HMOX2: variants seen among roughly 807,000 people sequenced by gnomAD.
The protein encoded by HMOX2 is heme oxygenase (decycling) 2.
In HMOX2, 30 loss-of-function variants were observed where a neutral mutation model predicts 33.7. The ratio of observed to expected loss-of-function variants is 0.89; its 90% CI spans 0.67 to 1.21. The LOEUF (loss-of-function observed/expected upper bound fraction) is 1.21. Ranked by LOEUF, HMOX2 falls within the 50% of genes most tolerant of loss-of-function variation. The pLI is 0.00. For missense variants in HMOX2, 403 were observed against 399.1 expected (o/e 1.01, Z -0.08); for synonymous variants, 155 against 155.0 (o/e 1.00, Z 0.00).
chr16:4,509,014 C>T (rs1200699431), intron 4 of HMOX2, among the ~76,000 whole-genome samples: 4 of 152,212 alleles, frequency 2.6e-5, no homozygotes, highest in Non-Finnish European at 4.4e-5. Flanking sequence ...CACACCTGAG[C>T]AAGCTCACCT....
intron 4 of HMOX2, 62 bp from the exon 5 acceptor site, chr16:4,509,350 T>TA (rs878966902): frequency 0.059 from 78,000 of 1,312,202 alleles, 108 homozygotes; most frequent in African/African-American, 0.078. Flanking sequence ...AAAAGACATT[T>TA]AAAAAAAAAA....
chr16:4,489,845 C>CT (rs2058263640), intron 1 of HMOX2, among the ~76,000 whole-genome samples: 1 of 152,026 alleles, frequency 6.6e-6, no homozygotes, highest in South Asian at 2.1e-4. Flanking sequence ...CTCCTGGCCT[C>CT]AGTGATCCTC....
At position 4,506,878 on chromosome 16, in the gene HMOX2, C is replaced by A; in HGVS notation, c.87-17C>A. The stretch of plus-strand genomic sequence containing the variant: ...GAAGGGCTAATTGACACACAAACAC[C>A]TCCCATCTCTCCACAGAATGGCTGA... On this transcript the variant is annotated splice_polypyrimidine_tract_variant and intron_variant, in intron 2 of 5. Coordinates refer to ENST00000570646, the MANE Select transcript of HMOX2 (RefSeq NM_002134.4). 33 of 1,561,268 alleles carry A rather than the reference C, an allele frequency of 2.1e-5. No individual in the cohort carries two copies. The highest frequency in any genetic ancestry group is 2.9e-5 in the Non-Finnish European group (33 of 1,131,784).
rs373695179 is a variant in HMOX2 at position 4,507,940 on chromosome 16, C to A, written c.432C>A (p.Asn144Lys). ...AGCGGATCCACTACATAGGGCAGAA[C>A]GAGCCGGAGCTACTGGTGGCCCATG... is the stretch of plus-strand genomic sequence containing the variant. ...YVERIHYIGQNEPELLVAHAY... is the reference protein window; with the variant it reads ...YVERIHYIGQKEPELLVAHAY... Residue 144 changes from asparagine to lysine, a missense_variant, in exon 4 of 6, where the codon AAC (asparagine) becomes AAA (lysine). Transcript: ENST00000570646. The A allele has an allele frequency of 6.2e-7, 1 of 1,613,816 alleles. No individual in the cohort carries two copies. Among genetic ancestry groups the A allele is most frequent in the Non-Finnish European group, 8.5e-7 (1 of 1,179,942 alleles).
chr16:4,503,827 C>T (rs768060248), intron 1 of HMOX2, among the ~76,000 whole-genome samples: 1 of 152,218 alleles, frequency 6.6e-6, no homozygotes, highest in Non-Finnish European at 1.5e-5. Context: ...TTTCTTAACA[C>T]TTCTGTGTTC....
intron 1 of HMOX2, among the ~76,000 whole-genome samples, chr16:4,479,859 C>G (rs1041936284): frequency 1.3e-5 from 2 of 149,288 alleles, no homozygotes; most frequent in Admixed American, 1.4e-4. Flanking sequence ...CAGCCTCAGT[C>G]TCCTGAGTAG....
In HMOX2 at chr16:4,490,625, C is replaced by G. The variant is rs576822761; in HGVS notation, c.-42+14138C>G. ...GCATCCAAATACATACAAAAAAGGT[C>G]TATTCCCAGGAACATACTGTAACCC... On this transcript the variant is annotated intron_variant, in intron 1 of 5. Transcript: ENST00000570646. Among the ~76,000 whole-genome samples the G allele has an allele frequency of 1.1e-4, 17 of 152,316 alleles. No homozygotes were observed. The South Asian group carries it at 2.5e-3, about 22-fold the overall frequency.
intron 1 of HMOX2, among the ~76,000 whole-genome samples, chr16:4,484,366 A>T (rs1227943977): frequency 2.0e-5 from 3 of 152,092 alleles, no homozygotes; most frequent in South Asian, 2.1e-4. Context: ...GCCATTTGAG[A>T]AGTATATATA....
chr16:4,506,791 A>G, intron 2 of HMOX2, 104 bp from the exon 3 acceptor site: 1 of 785,278 alleles, frequency 1.3e-6, no homozygotes, highest in Admixed American at 2.0e-5. Flanking sequence ...CTCCAGTACA[A>G]CAGGTGGTCA....
intron 1 of HMOX2, among the ~76,000 whole-genome samples, chr16:4,494,177 G>A (rs1331639595): frequency 2.6e-5 from 4 of 152,036 alleles, no homozygotes; most frequent in South Asian, 2.1e-4. Context: ...TTAGCGGGGC[G>A]TGGTGGTGGG....
chr16:4,509,850 T>G lies in HMOX2; in HGVS notation c.*94T>G. 1 of 1,407,368 alleles carries G rather than the reference T, an allele frequency of 7.1e-7. No homozygotes were observed. The highest frequency in any genetic ancestry group is 9.6e-7 in the Non-Finnish European group (1 of 1,046,296). 87.2% of individuals were successfully genotyped at this position (1,407,368 alleles called of 1,614,324 possible). On this transcript the variant is annotated 3_prime_UTR_variant, in exon 6 of 6. Transcript: ENST00000570646. ...GACTAAACTACCACCTCAGGTGACT[T>G]TTTAAAAAATGCTGGGTTTAAGAAA...
intron 1 of HMOX2, chr16:4,495,997 TCA>T (rs962894045): frequency 5.9e-5 from 9 of 152,222 alleles, no homozygotes; most frequent in African/African-American, 2.2e-4. Flanking sequence ...AACAATCTTC[TCA>T]GGTTGTTGTG....
At chr16:4,485,398 A>G (rs1301082317) in intron 1 of HMOX2, among the ~76,000 whole-genome samples, 2 of 152,220 alleles carry the variant, frequency 1.3e-5, no homozygotes, top group African/African-American at 4.8e-5. Context: ...GTGCAAATAC[A>G]ACAACAAACC....
At chr16:4,478,370 ACT>A (rs1226229219) in intron 1 of HMOX2, among the ~76,000 whole-genome samples, 5 of 151,986 alleles carry the variant, frequency 3.3e-5, no homozygotes, top group Admixed American at 2.6e-4. Flanking sequence ...TTAACAGCTG[ACT>A]CTCTTCACAG....
chr16:4,499,188 G>T (rs1392899398), intron 1 of HMOX2, among the ~76,000 whole-genome samples: 1 of 152,232 alleles, frequency 6.6e-6, no homozygotes, highest in African/African-American at 2.4e-5. Context: ...GACTTCCTCA[G>T]TAAGAGCTCA....
In HMOX2 at chr16:4,509,706, G is replaced by A. The variant is rs772279510; in HGVS notation, c.901G>A (p.Ala301Thr). 1 of 1,613,876 alleles carries A rather than the reference G, an allele frequency of 6.2e-7. No individual in the cohort carries two copies. The highest frequency in any genetic ancestry group is 1.3e-5 in the African/African-American group (1 of 74,908). Residue 301 changes from alanine to threonine, a missense_variant, in exon 6 of 6, where the codon GCC becomes ACC. Physicochemically the swap from Ala to Thr is moderately conservative, Grantham distance 58. Coordinates refer to ENST00000570646, the MANE Select transcript of HMOX2 (RefSeq NM_002134.4). ...LRKPSLQFILAAGVALAAGLL... is the reference protein window; with the variant it reads ...LRKPSLQFILTAGVALAAGLL... The stretch of plus-strand genomic sequence containing the variant: ...GAAGCCCAGCCTCCAGTTCATCCTG[G>A]CCGCTGGTGTGGCCCTAGCTGCTGG...
At chr16:4,495,521 C>T (rs1011576205) in intron 1 of HMOX2, 1 of 152,154 alleles carries the variant, frequency 6.6e-6, no homozygotes, top group African/African-American at 2.4e-5. Context: ...ATACCTTACT[C>T]TATAGGCCTG....
intron 1 of HMOX2, among the ~76,000 whole-genome samples, chr16:4,477,108 T>C (rs11639998): frequency 0.74 from 112,325 of 151,930 alleles, 41,780 homozygotes; most frequent in African/African-American, 0.78. Context: ...TACCTATTAC[T>C]TTCTGAGCGC....
chr16:4,490,846 G>A (rs1686133152), intron 1 of HMOX2, among the ~76,000 whole-genome samples: 1 of 152,216 alleles, frequency 6.6e-6, no homozygotes, highest in Non-Finnish European at 1.5e-5. Flanking sequence ...CACTGCTTTT[G>A]TGGTCCGGCA....
Sources: gnomAD v4.1 joint callset for allele counts (sites outside exome capture counted in the v4.1 genomes callset) on GRCh38, gnomAD v4.1.1 for gene constraint, MANE v1.5 for transcripts, NCBI Gene and HGNC (gene_info 2026-07-23, HGNC 2026-07-21) for gene names.